NCALD: variants seen among roughly 807,000 people sequenced by gnomAD.
NCALD encodes the protein neurocalcin-delta.
A neutral mutation model predicts 18.6 loss-of-function variants in NCALD; 10 were observed. The observed-to-expected ratio is 0.54, with a 90% CI of 0.33 to 0.91. The LOEUF (loss-of-function observed/expected upper bound fraction) is 0.91. Ranked by LOEUF, NCALD falls within the 40% of genes least tolerant of loss-of-function variation. The pLI, the probability that NCALD is intolerant of heterozygous loss-of-function variation, is 0.03. For missense variants in NCALD, 184 were observed against 247.6 expected (o/e 0.74, Z 1.72); for synonymous variants, 88 against 87.4 (o/e 1.01, Z -0.04).
At chr8:101,990,651 G>C (rs961499893) in intron 2 of NCALD, among the ~76,000 whole-genome samples, 1 of 152,148 alleles carries the variant, frequency 6.6e-6, no homozygotes, top group Non-Finnish European at 1.5e-5. Context: ...CCAGGTGAGA[G>C]GTGTCTTTCA....
At chr8:102,074,202 A>G (rs1432167197) in intron 1 of NCALD, among the ~76,000 whole-genome samples, 1 of 152,226 alleles carries the variant, frequency 6.6e-6, no homozygotes, top group Non-Finnish European at 1.5e-5. Context: ...AAGCTAGTCT[A>G]TGGGAAAAAA....
chr8:102,032,128 A>T (rs1822694818), intron 1 of NCALD, among the ~76,000 whole-genome samples: 1 of 152,156 alleles, frequency 6.6e-6, no homozygotes, highest in African/African-American at 2.4e-5. Context: ...TCATCATTTA[A>T]TCCACCAAAC....
At chr8:101,741,301 C>G (rs989991778) in intron 1 of NCALD, among the ~76,000 whole-genome samples, 1 of 152,162 alleles carries the variant, frequency 6.6e-6, no homozygotes, top group Non-Finnish European at 1.5e-5. Context: ...GACTTCTGGC[C>G]TTATCTATTT....
At chr8:101,696,107 C>T (rs368434193) in intron 2 of NCALD, among the ~76,000 whole-genome samples, 20 of 152,274 alleles carry the variant, frequency 1.3e-4, no homozygotes, top group East Asian at 5.8e-4. Flanking sequence ...CCATTGCAGA[C>T]GATCTCAGAG....
intron 4 of NCALD, among the ~76,000 whole-genome samples, chr8:101,879,249 A>G (rs1338145479): frequency 6.6e-6 from 1 of 152,140 alleles, no homozygotes; most frequent in East Asian, 1.9e-4. Flanking sequence ...TGGTGTTACA[A>G]TTCCTAAAGA....
At chr8:101,757,932 C>T (rs1178042978) in intron 1 of NCALD, among the ~76,000 whole-genome samples, 1 of 152,174 alleles carries the variant, frequency 6.6e-6, no homozygotes, top group African/African-American at 2.4e-5. Context: ...GCTAGGACTA[C>T]AGTTGTGTGC....
At chr8:101,695,970 T>A (rs1814970222) in intron 2 of NCALD, among the ~76,000 whole-genome samples, 1 of 152,212 alleles carries the variant, frequency 6.6e-6, no homozygotes, top group Non-Finnish European at 1.5e-5. Flanking sequence ...ATGTTTTTTT[T>A]AGTTTCCTCT....
intron 2 of NCALD, among the ~76,000 whole-genome samples, chr8:101,968,207 C>A (rs1223380280): frequency 6.6e-6 from 1 of 152,008 alleles, no homozygotes; most frequent in African/African-American, 2.4e-5. Context: ...CTAAAAGAGG[C>A]TACTCAAGTG....
intron 4 of NCALD, among the ~76,000 whole-genome samples, chr8:101,839,294 A>G (rs533106776): frequency 4.0e-5 from 6 of 149,038 alleles, no homozygotes; most frequent in South Asian, 2.1e-4. Flanking sequence ...CAGAAGAGGG[A>G]AAAAAAAAAG....
chr8:102,025,674 C>A lies in NCALD; in HGVS notation c.-209-5385G>T, dbSNP rs140951448. On this transcript the variant is annotated intron_variant, in intron 1 of 6. Coordinates refer to the NCALD transcript ENST00000311028. The stretch of plus-strand genomic sequence containing the variant: ...ACGCATTTCCATCTTATTCTTTTTT[C>A]TACTAGACTACAAACTCCTCGTGGG... Among the ~76,000 whole-genome samples the A allele has an allele frequency of 2.6e-4, 40 of 152,250 alleles. 1 individual carries two copies. The highest frequency in any genetic ancestry group is 7.7e-4 in the African/African-American group (32 of 41,548).
At chr8:101,824,061 C>T in intron 4 of NCALD, among the ~76,000 whole-genome samples, 1 of 152,178 alleles carries the variant, frequency 6.6e-6, no homozygotes, top group East Asian at 1.9e-4. Flanking sequence ...ACTTCTATAT[C>T]CAGTCAATTG....
At chr8:101,832,991 G>A (rs1411433729) in intron 4 of NCALD, among the ~76,000 whole-genome samples, 1 of 152,196 alleles carries the variant, frequency 6.6e-6, no homozygotes, top group Non-Finnish European at 1.5e-5. Flanking sequence ...GTTTAAGTAT[G>A]ATTGAAAATG....
chr8:101,729,268 A>G (rs1289593355), intron 1 of NCALD, among the ~76,000 whole-genome samples: 1 of 152,214 alleles, frequency 6.6e-6, no homozygotes, highest in Admixed American at 6.5e-5. Flanking sequence ...GAAATAAAAC[A>G]GAGTAGTACA....
intron 4 of NCALD, among the ~76,000 whole-genome samples, chr8:101,827,428 C>A (rs80308375): frequency 0.015 from 2,343 of 152,322 alleles, 91 homozygotes; most frequent in East Asian, 0.12. Context: ...ATTATTTAAT[C>A]TACTATAACT....
At chr8:101,877,644 T>C (rs1816283294) in intron 4 of NCALD, among the ~76,000 whole-genome samples, 1 of 152,240 alleles carries the variant, frequency 6.6e-6, no homozygotes. Flanking sequence ...ATGTATGCTA[T>C]AACATGGACC....
At chr8:102,046,884 C>A (rs1823264747) in intron 1 of NCALD, among the ~76,000 whole-genome samples, 1 of 150,188 alleles carries the variant, frequency 6.7e-6, no homozygotes, top group African/African-American at 2.5e-5. Flanking sequence ...AAACTCATGT[C>A]CTGAGGGTCT....
intron 1 of NCALD, among the ~76,000 whole-genome samples, chr8:101,776,584 G>A (rs1811801096): frequency 6.6e-6 from 1 of 152,064 alleles, no homozygotes; most frequent in African/African-American, 2.4e-5. Context: ...ATCACAACAA[G>A]CAGCAGAGCT....
intron 1 of NCALD, chr8:101,750,237 A>T (rs534703597): frequency 6.6e-6 from 1 of 152,092 alleles, no homozygotes; most frequent in South Asian, 2.1e-4. Context: ...CCCCCATGAC[A>T]CGTAGGGATT....
chr8:101,897,938 C>A (rs1282378491), intron 3 of NCALD, among the ~76,000 whole-genome samples: 2 of 152,186 alleles, frequency 1.3e-5, no homozygotes, highest in African/African-American at 4.8e-5. Context: ...GGGGCGGTTC[C>A]CCCAATGTGT....
Sources: gnomAD v4.1 joint callset for allele counts (sites outside exome capture counted in the v4.1 genomes callset) on GRCh38, gnomAD v4.1.1 for gene constraint, MANE v1.5 for transcripts, NCBI Gene and HGNC (gene_info 2026-07-23, HGNC 2026-07-21) for gene names.